Variants in TSNARE1 observed in about 807,000 individuals in gnomAD.
The protein encoded by TSNARE1 is t-SNARE domain-containing protein 1.
Under a neutral mutation model 62.0 loss-of-function variants are expected in TSNARE1, and 49 were observed. The ratio of observed to expected loss-of-function variants is 0.79; its 90% CI spans 0.63 to 1.00. The LOEUF is 1.00. TSNARE1 is among the 50% of genes least tolerant of loss of function. TSNARE1 has a pLI of 0.00. For missense variants in TSNARE1, 755 were observed against 700.1 expected (o/e 1.08, Z -0.88); for synonymous variants, 328 against 294.4 (o/e 1.11, Z -1.17).
At chr8:142,405,939 C>T (rs1381360339), upstream of TSNARE1, 2 of 152,362 alleles carry the variant, frequency 1.3e-5, no homozygotes, top group East Asian at 1.9e-4. Flanking sequence ...AACAGAACCC[C>T]AGTTTTGTTC....
chr8:142,263,791 CTTG>C (rs1427138320), intron 12 of TSNARE1, among the ~76,000 whole-genome samples: 2 of 152,154 alleles, frequency 1.3e-5, no homozygotes, highest in African/African-American at 2.4e-5. Flanking sequence ...ATGGACTCCT[CTTG>C]TTATTTTGAA....
rs1316719838 is a variant in TSNARE1 at position 142,323,049 on chromosome 8, G to A, written c.894-4415C>T. Among the ~76,000 whole-genome samples, 4 of 152,082 alleles carry A rather than the reference G, an allele frequency of 2.6e-5. No homozygotes were observed. In the East Asian group the frequency reaches 7.8e-4, roughly 29 times the overall value. ...AAAGGCCGGCCTGGACATGTCTGTG[G>A]GCTGGATGACAATACTGTTATGAAA... On this transcript the variant is annotated intron_variant, in intron 6 of 13. Transcript: ENST00000524325.
intron 1 of TSNARE1, among the ~76,000 whole-genome samples, chr8:142,402,490 G>A (rs1838365972): frequency 6.6e-6 from 1 of 152,248 alleles, no homozygotes; most frequent in Admixed American, 6.5e-5. Context: ...ACAAACACGA[G>A]GTCCCTGGAG....
At chr8:142,398,973 T>C (rs1256250030) in intron 1 of TSNARE1, among the ~76,000 whole-genome samples, 1 of 152,168 alleles carries the variant, frequency 6.6e-6, no homozygotes, top group African/African-American at 2.4e-5. Context: ...GAGAATCTCA[T>C]AGCCTGGATA....
intron 10 of TSNARE1, among the ~76,000 whole-genome samples, chr8:142,286,951 T>C (rs1298471900): frequency 6.6e-6 from 1 of 152,222 alleles, no homozygotes; most frequent in African/African-American, 2.4e-5. Flanking sequence ...TCACCTGTTA[T>C]TGCTGCATTT....
chr8:142,273,786 G>A (rs1385167307), intron 12 of TSNARE1: 23 of 985,284 alleles, frequency 2.3e-5, no homozygotes, highest in Middle Eastern at 5.2e-4. Context: ...AGGCCCCTGC[G>A]TGGTTCCAGC....
chr8:142,232,508 G>T (rs920937935), intron 12 of TSNARE1, among the ~76,000 whole-genome samples: 1 of 152,268 alleles, frequency 6.6e-6, no homozygotes, highest in African/African-American at 2.4e-5. Flanking sequence ...AGGCAAGGAA[G>T]CTGGAACCAC....
At chr8:142,337,110 T>C (rs1831857306) in intron 4 of TSNARE1, among the ~76,000 whole-genome samples, 1 of 151,944 alleles carries the variant, frequency 6.6e-6, no homozygotes, top group Non-Finnish European at 1.5e-5. Flanking sequence ...ATAATAAAGG[T>C]GAGCAGAAAC....
chr8:142,349,866 G>A (rs1833862949), intron 2 of TSNARE1, among the ~76,000 whole-genome samples: 1 of 152,104 alleles, frequency 6.6e-6, no homozygotes, highest in Non-Finnish European at 1.5e-5. Flanking sequence ...TGAGACCAAG[G>A]CAGGCAGGGT....
Position 142,270,096 on chromosome 8 carries a change from C to T in TSNARE1, c.1446+4685G>A, listed in dbSNP as rs1257223147. 9 of 985,436 alleles carry T rather than the reference C, an allele frequency of 9.1e-6. No individual in the cohort carries two copies. In the Admixed American group the frequency reaches 2.5e-4, roughly 27 times the overall value. The allele number at this position is 985,436 out of a possible 1,614,324, so 61.0% of individuals were successfully genotyped here. A position where few individuals can be genotyped will look rare whatever the true frequency, so the allele number is the denominator to read the frequency against. ...GGCCATGGGAGCCAGGCAGAGGCCC[C>T]AGACTAGCCAAGGCCCGGGCTGGTC... On this transcript the variant is annotated intron_variant, in intron 12 of 13. Coordinates refer to ENST00000524325, the MANE Select transcript of TSNARE1 (RefSeq NM_145003.5).
At chr8:142,313,619 CTG>C (rs1257959941) in intron 9 of TSNARE1, among the ~76,000 whole-genome samples, 6 of 151,786 alleles carry the variant, frequency 4.0e-5, no homozygotes, top group African/African-American at 1.5e-4. Flanking sequence ...CTGTATGTCT[CTG>C]TGTATCTGTG....
chr8:142,288,049 A>C (rs944423549), intron 10 of TSNARE1, among the ~76,000 whole-genome samples: 1 of 152,258 alleles, frequency 6.6e-6, no homozygotes, highest in Non-Finnish European at 1.5e-5. Flanking sequence ...GCAGGGGCAG[A>C]GAAAGGCCAC....
At chr8:142,273,652 G>A (rs1467510872) in intron 12 of TSNARE1, 1 of 985,240 alleles carries the variant, frequency 1.0e-6, no homozygotes, top group Non-Finnish European at 1.2e-6. Context: ...CGACAGAAAT[G>A]GGGAGGCCCA....
Position 142,323,318 on chromosome 8 carries a change from C to CG in TSNARE1, c.894-4685dup, listed in dbSNP as rs1439293028. Among the ~76,000 whole-genome samples, 10 of 152,228 alleles carry CG rather than the reference C, an allele frequency of 6.6e-5. No homozygotes were observed. The South Asian group carries it at 1.9e-3, about 28-fold the overall frequency. On this transcript the variant is annotated intron_variant, in intron 6 of 13. Coordinates refer to ENST00000524325, the MANE Select transcript of TSNARE1 (RefSeq NM_145003.5). The stretch of plus-strand genomic sequence containing the variant: ...GAGGAGGAGATGCGTTTGGGCAGCA[C>CG]GGGGGGCAGCACCAGCATGGCTGGC...
chr8:142,217,680 A>G (rs556027168), intron 13 of TSNARE1, among the ~76,000 whole-genome samples: 7 of 152,250 alleles, frequency 4.6e-5, no homozygotes, highest in Non-Finnish European at 1.0e-4. Flanking sequence ...GGGCTAGTCC[A>G]TAGCCAGGTT....
At position 142,300,629 on chromosome 8, in the gene TSNARE1, A is replaced by G; in HGVS notation, c.1147T>C (p.Phe383Leu). ...RGSKQSPQAP[F>L]AELADDEKVF... is the part of the protein sequence containing the mutation. Reference sequence around the variant, plus strand: ...TTCTCATCATCAGCCAGCTCGGCAAACGGGGCCTGGGGACTCTGCTGATGA... The same window carrying G: ...TTCTCATCATCAGCCAGCTCGGCAAGCGGGGCCTGGGGACTCTGCTGATGA... The change falls in exon 10 of 14, where the codon TTT (phenylalanine) becomes CTT (leucine). Residue 383 changes from phenylalanine to leucine, a missense_variant. Phe to Leu is a conservative substitution (Grantham distance 22). Transcript: ENST00000524325. 6.2e-7 allele frequency: 1 copy of G among 1,613,540 alleles called. No homozygotes were observed. Among genetic ancestry groups the G allele is most frequent in the Non-Finnish European group, 8.5e-7 (1 of 1,179,874 alleles).
intron 1 of TSNARE1, among the ~76,000 whole-genome samples, chr8:142,376,057 C>G (rs1836310891): frequency 6.6e-6 from 1 of 152,228 alleles, no homozygotes; most frequent in African/African-American, 2.4e-5. Flanking sequence ...ATGGTCCCAG[C>G]AGAGTCGGTG....
chr8:142,273,154 T>C (rs1586932127), intron 12 of TSNARE1: 1 of 985,420 alleles, frequency 1.0e-6, no homozygotes, highest in Non-Finnish European at 1.2e-6. Flanking sequence ...CACAGGTGGC[T>C]GGCCCAGTTG....
At chr8:142,386,850 A>G (rs1482868448) in intron 1 of TSNARE1, among the ~76,000 whole-genome samples, 1 of 152,206 alleles carries the variant, frequency 6.6e-6, no homozygotes, top group African/African-American at 2.4e-5. Context: ...ACAGACAGAA[A>G]CATATCAATG....
Sources: gnomAD v4.1 joint callset for allele counts (sites outside exome capture counted in the v4.1 genomes callset) on GRCh38, gnomAD v4.1.1 for gene constraint, MANE v1.5 for transcripts, NCBI Gene and HGNC (gene_info 2026-07-23, HGNC 2026-07-21) for gene names.